MMS19: variants seen among roughly 807,000 people sequenced by gnomAD.
MMS19 encodes the protein MMS19 cytosolic iron-sulfur assembly component, also known as MMS19 nucleotide excision repair protein homolog.
In MMS19, 77 loss-of-function variants were observed where a neutral mutation model predicts 129.8. The ratio of observed to expected loss-of-function variants is 0.59; its 90% CI spans 0.49 to 0.72. MMS19 has a LOEUF of 0.72. MMS19 is among the 30% of genes least tolerant of loss of function. The probability of loss-of-function intolerance (pLI) is 0.00; values close to 1 mark genes in which losing one functional copy is unlikely to be tolerated. For missense variants in MMS19, 1,168 were observed against 1,266.3 expected (o/e 0.92, Z 1.18); for synonymous variants, 491 against 502.8 (o/e 0.98, Z 0.31).
rs1343530615 is a variant in MMS19, at chr10:97,467,586, G to A, written c.1219-3C>T. 1 of 1,613,622 alleles carries A rather than the reference G, an allele frequency of 6.2e-7. No individual in the cohort carries two copies. Among genetic ancestry groups the A allele is most frequent in the African/African-American group, 1.3e-5 (1 of 74,908 alleles). On this transcript the variant is annotated splice_region_variant and splice_polypyrimidine_tract_variant and intron_variant, in intron 13 of 30. Coordinates refer to ENST00000438925, the MANE Select transcript of MMS19 (RefSeq NM_022362.5). ...AGGATTGTCCGCCGCTGGCTGCTCT[G>A]TAACGTTTCAAGGGGTACTAGAGTC... is the stretch of plus-strand genomic sequence containing the variant.
At chr10:97,459,306 G>A (rs749664845) in intron 28 of MMS19, 24 bp from the exon 29 acceptor site, 4 of 1,612,966 alleles carry the variant, frequency 2.5e-6, no homozygotes, top group Admixed American at 1.7e-5. Context: ...ACAAGGAGGT[G>A]AGAGCATGCC....
chr10:97,458,617 G>T lies in MMS19; in HGVS notation c.*75C>A. The T allele has an allele frequency of 2.0e-6, 3 of 1,474,502 alleles. No homozygotes were observed. Among genetic ancestry groups the T allele is most frequent in the South Asian group, 1.3e-5 (1 of 77,982 alleles). 91.3% of individuals were successfully genotyped at this position (1,474,502 alleles called of 1,614,324 possible). On this transcript the variant is annotated 3_prime_UTR_variant, in exon 31 of 31. Transcript: ENST00000438925. The stretch of plus-strand genomic sequence containing the variant: ...GCAGTCAGAGACCAGTGGTTTCCCT[G>T]CTTTGGGGAAGATGGCTCAACAGTT...
rs1481082010 is a variant in MMS19, at chr10:97,469,042, A to C, written c.987T>G (p.Thr329=). 6.3e-7 allele frequency: 1 copy of C among 1,585,334 alleles called. No individual in the cohort carries two copies. The highest frequency in any genetic ancestry group is 1.8e-5 in the Admixed American group (1 of 56,040). ...TCAGCACAGAGCGAGACAAACACGCAGTCAGGGAGTGGAGGGCCGCCAGGC... is the reference window on the plus strand; with the variant it reads ...TCAGCACAGAGCGAGACAAACACGCCGTCAGGGAGTGGAGGGCCGCCAGGC... ...AEGLAALHSL[T]ACLSRSVLRA... is the part of the protein sequence containing the mutation. The change falls in exon 12 of 31, where the codon ACT becomes ACG. Residue 329 remains threonine, a synonymous_variant. Transcript: ENST00000438925.
rs1232595384 is a variant in MMS19 at position 97,477,945 on chromosome 10, A to G, written c.349-16T>C. 6.4e-7 allele frequency: 1 copy of G among 1,563,132 alleles called. No individual in the cohort carries two copies. Among genetic ancestry groups the G allele is most frequent in the South Asian group, 1.2e-5 (1 of 83,326 alleles). On this transcript the variant is annotated splice_polypyrimidine_tract_variant and intron_variant, in intron 4 of 30. Coordinates refer to ENST00000438925, the MANE Select transcript of MMS19 (RefSeq NM_022362.5). ...CACACAGGCTCTGGGGGAGAGGAGAAGGTACGTGAATACCGAAGGAATTGC... is the reference window on the plus strand; with the variant it reads ...CACACAGGCTCTGGGGGAGAGGAGAGGGTACGTGAATACCGAAGGAATTGC...
intron 19 of MMS19, 142 bp from the exon 20 acceptor site, chr10:97,462,824 A>G (rs1192176485): frequency 7.4e-6 from 5 of 672,692 alleles, no homozygotes; most frequent in Non-Finnish European, 1.0e-5. Flanking sequence ...TGGTAGTGCT[A>G]TAGTCCTGAG....
At position 97,466,539 on chromosome 10, in the gene MMS19, G is replaced by A. The variant is rs956284357; in HGVS notation, c.1470C>T (p.Tyr490=). 2 of 1,613,846 alleles carry A rather than the reference G, an allele frequency of 1.2e-6. No individual in the cohort carries two copies. The highest frequency in any genetic ancestry group is 2.2e-5 in the East Asian group (1 of 44,876). Residue 490 remains tyrosine (Y), a synonymous_variant, in exon 16 of 31, where the codon TAC becomes TAT. Coordinates refer to ENST00000438925, the MANE Select transcript of MMS19 (RefSeq NM_022362.5). ...EDLELAVGHL[Y]RLSFLKEDSQ... Reference sequence around the variant, plus strand: ...AATCCTCCTTCAGGAAGCTCAGTCTGTACAGGTGACCCACTGCCAGCTCCA... The same window carrying A: ...AATCCTCCTTCAGGAAGCTCAGTCTATACAGGTGACCCACTGCCAGCTCCA...
At chr10:97,468,159 A>C in intron 13 of MMS19, 93 bp downstream of exon 13, 1 of 1,311,194 alleles carries the variant, frequency 7.6e-7, no homozygotes. Flanking sequence ...AAGGTCTACT[A>C]TGTTGGCCCA....
chr10:97,462,505 A>T, intron 20 of MMS19, 78 bp downstream of exon 20: 1 of 1,006,924 alleles, frequency 9.9e-7, no homozygotes, highest in East Asian at 2.4e-5. Context: ...GACAGCTGAC[A>T]AGGCAGCTAC....
Position 97,462,121 on chromosome 10 carries a change from T to TG in MMS19, c.2013-3dup. On this transcript the variant is annotated splice_region_variant and splice_polypyrimidine_tract_variant and intron_variant, in intron 20 of 30. Coordinates refer to ENST00000438925, the MANE Select transcript of MMS19 (RefSeq NM_022362.5). ...TGTGTCACACTCTGGGCAGCTAACC[T>TG]GGGGGCAGAGTACTAGGTATGACCA... is the stretch of plus-strand genomic sequence containing the variant. 1 of 1,569,032 alleles carries TG rather than the reference T, an allele frequency of 6.4e-7. No homozygotes were observed. Among genetic ancestry groups the TG allele is most frequent in the African/African-American group, 1.4e-5 (1 of 73,974 alleles).
intron 1 of MMS19, among the ~76,000 whole-genome samples, chr10:97,487,976 C>T (rs28987107): frequency 0.014 from 2,205 of 152,236 alleles, 48 homozygotes; most frequent in African/African-American, 0.051. Context: ...TAAATCCCAG[C>T]TACTCGGGAG....
intron 9 of MMS19, 31 bp downstream of exon 9, chr10:97,470,744 G>C: frequency 7.1e-7 from 1 of 1,411,714 alleles, no homozygotes; most frequent in Non-Finnish European, 1.0e-6. Flanking sequence ...TATGGGCAGA[G>C]GCTATATACC....
chr10:97,490,576 C>T lies in MMS19; in HGVS notation c.113-6425G>A, dbSNP rs1203923430. Among the ~76,000 whole-genome samples the T allele has an allele frequency of 4.6e-5, 7 of 152,122 alleles. 1 individual carries two copies. The highest frequency in any genetic ancestry group is 1.3e-4 in the Admixed American group (2 of 15,264). On this transcript the variant is annotated intron_variant, in intron 1 of 30. Transcript: ENST00000438925. ...AGCAGCCTGTTCTGGGTTCCTAATCCACCTACCTCTAAATGCAGAACCTTA... is the reference window on the plus strand; with the variant it reads ...AGCAGCCTGTTCTGGGTTCCTAATCTACCTACCTCTAAATGCAGAACCTTA...
intron 8 of MMS19, among the ~76,000 whole-genome samples, chr10:97,473,521 A>C (rs1280280333): frequency 1.3e-5 from 2 of 151,674 alleles, no homozygotes; most frequent in Non-Finnish European, 2.9e-5. Context: ...TGAACTCAGG[A>C]AACAGGAGAT....
intron 1 of MMS19, among the ~76,000 whole-genome samples, chr10:97,492,136 TAAA>T (rs35108950): frequency 1.1e-4 from 11 of 98,220 alleles, no homozygotes; most frequent in Admixed American, 4.5e-4. Flanking sequence ...AAACTCAATC[TAAA>T]AAAAAAAAAA....
Position 97,476,293 on chromosome 10 carries a change from A to G in MMS19, c.684+390T>C, listed in dbSNP as rs1388315600. Among the ~76,000 whole-genome samples, 4 of 152,196 alleles carry G rather than the reference A, an allele frequency of 2.6e-5. No individual in the cohort carries two copies. In the East Asian group the frequency reaches 5.8e-4, roughly 22 times the overall value. ...TCCCTCACAAACCAGCTGAAATCCT[A>G]TCTTAACTGTGAAGTCAGTTCCTGC... On this transcript the variant is annotated intron_variant, in intron 8 of 30. Coordinates refer to ENST00000438925, the MANE Select transcript of MMS19 (RefSeq NM_022362.5).
At chr10:97,494,824 C>G (rs780233428) in intron 1 of MMS19, among the ~76,000 whole-genome samples, 1 of 152,212 alleles carries the variant, frequency 6.6e-6, no homozygotes, top group Non-Finnish European at 1.5e-5. Context: ...CCTATAATAA[C>G]TAGTTAGAAC....
chr10:97,477,791 T>G lies in MMS19; in HGVS notation c.423+64A>C, dbSNP rs558600053. The G allele has an allele frequency of 6.7e-5, 81 of 1,203,360 alleles. No homozygotes were observed. The African/African-American group carries it at 1.1e-3, about 17-fold the overall frequency. The allele number at this position is 1,203,360 out of a possible 1,614,324, so 74.5% of individuals were successfully genotyped here. On this transcript the variant is annotated intron_variant, in intron 5 of 30. Coordinates refer to ENST00000438925, the MANE Select transcript of MMS19 (RefSeq NM_022362.5). Reference sequence around the variant, plus strand: ...CTTAGAAGGCAATAATTTTTGCTATTGAATCCCAGTTATGTCAAGGGGTAG... The same window carrying G: ...CTTAGAAGGCAATAATTTTTGCTATGGAATCCCAGTTATGTCAAGGGGTAG...
At chr10:97,487,220 G>A (rs1363155101) in intron 1 of MMS19, among the ~76,000 whole-genome samples, 1 of 151,664 alleles carries the variant, frequency 6.6e-6, no homozygotes, top group Non-Finnish European at 1.5e-5. Flanking sequence ...CTATTCAATA[G>A]TGTTAGAATG....
chr10:97,466,277 G>T, intron 16 of MMS19, 118 bp from the exon 17 acceptor site: 7 of 857,882 alleles, frequency 8.2e-6, no homozygotes, highest in Non-Finnish European at 1.3e-5. Context: ...CTAAAGAGCA[G>T]AACTCAAGTA....
Sources: gnomAD v4.1 joint callset for allele counts (sites outside exome capture counted in the v4.1 genomes callset) on GRCh38, gnomAD v4.1.1 for gene constraint, MANE v1.5 for transcripts, NCBI Gene and HGNC (gene_info 2026-07-23, HGNC 2026-07-21) for gene names.